The following WAPL variants were observed in gnomAD, a reference collection of about 807,000 sequenced individuals.
The protein encoded by WAPL is WAPL cohesin release factor.
Under a neutral mutation model 121.0 loss-of-function variants are expected in WAPL, and 5 were observed. The observed-to-expected ratio is 0.04, with a 90% CI of 0.02 to 0.09. WAPL has a LOEUF of 0.09. WAPL is among the 10% of genes least tolerant of loss of function. The probability of loss-of-function intolerance (pLI) is 1.00; values close to 1 mark genes in which losing one functional copy is unlikely to be tolerated. For missense variants in WAPL, 999 were observed against 1,410.8 expected, an observed-to-expected ratio of 0.71 and a Z score of 4.68; for synonymous variants, 480 against 481.5, an observed-to-expected ratio of 1.00 and a Z score of 0.04.
chr10:86,508,151 C>T (rs934706609), intron 2 of WAPL, among the ~76,000 whole-genome samples: 1 of 152,146 alleles, frequency 6.6e-6, no homozygotes, highest in African/African-American at 2.4e-5. Flanking sequence ...TCTACTTTGT[C>T]TCTAGACAGC....
At chr10:86,453,468 TC>T in intron 13 of WAPL, 133 bp from the exon 14 acceptor site, 1 of 1,200,518 alleles carries the variant, frequency 8.3e-7, no homozygotes, top group Non-Finnish European at 1.2e-6. Context: ...TATTGATACT[TC>T]TGGGTCAAGC....
At chr10:86,443,464 A>C in intron 16 of WAPL, 101 bp from the exon 17 acceptor site, 1 of 880,080 alleles carries the variant, frequency 1.1e-6, no homozygotes, top group African/African-American at 1.7e-5. Flanking sequence ...AACTGCTACA[A>C]ATCAACGAAT....
chr10:86,469,252 T>TAATAAAA lies in WAPL; in HGVS notation c.2142+1739_2142+1740insTTTTATT, dbSNP rs1564571366. On this transcript the variant is annotated intron_variant, in intron 8 of 18. Coordinates refer to ENST00000298767, the MANE Select transcript of WAPL (RefSeq NM_015045.5). ...CTGGTTGAACCAAATAATTTTTTTT[T>TAATAAAA]TTTTTTTTTTTTTTTTTTGAGACGG... Among the ~76,000 whole-genome samples, 10 of 3,780 alleles carry TAATAAAA rather than the reference T, an allele frequency of 2.6e-3. 1 individual carries two copies. In the Non-Finnish European group the frequency reaches 0.052, roughly 20 times the overall value. 2.5% of individuals were successfully genotyped at this position (3,780 alleles called of 152,430 possible).
intron 4 of WAPL, among the ~76,000 whole-genome samples, chr10:86,486,437 T>C (rs1048697720): frequency 2.6e-5 from 4 of 152,264 alleles, no homozygotes; most frequent in Non-Finnish European, 5.9e-5. Context: ...TATAAAGCTA[T>C]ATTCAACTTT....
At chr10:86,486,856 TGA>T (rs1334461019) in intron 4 of WAPL, among the ~76,000 whole-genome samples, 1 of 151,998 alleles carries the variant, frequency 6.6e-6, no homozygotes, top group African/African-American at 2.4e-5. Flanking sequence ...CCCTAGAGGC[TGA>T]AGCACAGGAA....
intron 16 of WAPL, among the ~76,000 whole-genome samples, chr10:86,445,147 G>C (rs1284454675): frequency 6.6e-6 from 1 of 152,112 alleles, no homozygotes; most frequent in Non-Finnish European, 1.5e-5. Flanking sequence ...ACTGGAGGAG[G>C]CTCAAATCTC....
chr10:86,463,452 C>G (rs1316613320), intron 9 of WAPL, among the ~76,000 whole-genome samples: 2 of 152,158 alleles, frequency 1.3e-5, no homozygotes, highest in Non-Finnish European at 2.9e-5. Context: ...TAATCTTGAC[C>G]CTGTGTGGAC....
chr10:86,461,426 T>A, intron 9 of WAPL, 139 bp from the exon 10 acceptor site: 1 of 641,390 alleles, frequency 1.6e-6, no homozygotes, highest in Non-Finnish European at 2.6e-6. Flanking sequence ...ATTTTCAATT[T>A]TATCAGAATA....
Position 86,500,633 on chromosome 10 carries a change from T to A in WAPL, c.610A>T (p.Ile204Phe). 6.2e-7 allele frequency: 1 copy of A among 1,614,164 alleles called. No homozygotes were observed. Among genetic ancestry groups the A allele is most frequent in the Non-Finnish European group, 8.5e-7 (1 of 1,180,022 alleles). Residue 204 changes from isoleucine (I) to phenylalanine (F), a missense_variant, in exon 3 of 19, where the codon ATC (isoleucine) becomes TTC (phenylalanine). By Grantham distance (21) the Ile-to-Phe change is conservative (BLOSUM62 0). Transcript: ENST00000298767. ...PNAETTVASE[I>F]KETNDTWNSQ... ...TTCCAAGTATCATTTGTTTCCTTGA[T>A]TTCAGAAGCCACTGTAGTTTCTGCA...
At chr10:86,444,196 A>C (rs1849544234) in intron 16 of WAPL, among the ~76,000 whole-genome samples, 1 of 152,178 alleles carries the variant, frequency 6.6e-6, no homozygotes, top group African/African-American at 2.4e-5. Flanking sequence ...GATGACTAAA[A>C]ATTTTCTTTT....
intron 8 of WAPL, among the ~76,000 whole-genome samples, chr10:86,468,309 C>G (rs931484457): frequency 2.6e-5 from 4 of 152,038 alleles, no homozygotes; most frequent in Admixed American, 2.6e-4. Flanking sequence ...CAATCCTCCC[C>G]ACCTCAGCCT....
At chr10:86,489,285 T>G (rs1031646621) in intron 4 of WAPL, among the ~76,000 whole-genome samples, 2 of 152,188 alleles carry the variant, frequency 1.3e-5, no homozygotes, top group African/African-American at 4.8e-5. Context: ...GGGGTGTAGT[T>G]TAGTTGTTTT....
rs544561815 is a variant in WAPL at position 86,437,742 on chromosome 10, G to T, written c.3508-134C>A. The T allele has an allele frequency of 4.5e-4, 475 of 1,052,398 alleles. 1 individual carries two copies. In the African/African-American group the frequency reaches 6.6e-3, roughly 15 times the overall value. 65.2% of individuals were successfully genotyped at this position (1,052,398 alleles called of 1,614,324 possible). On this transcript the variant is annotated intron_variant, in intron 18 of 18. Coordinates refer to ENST00000298767, the MANE Select transcript of WAPL (RefSeq NM_015045.5). ...AAAGTACACCGAGATTAAATTGTGG[G>T]TTTGATAAAGTTATTTGCCATAACA...
rs771384875 is a variant in WAPL, at chr10:86,473,869, T to C, written c.1740+9A>G. The C allele has an allele frequency of 8.8e-5, 141 of 1,598,226 alleles. 2 individuals are homozygous for C. The Middle Eastern group carries it at 1.2e-3, about 13-fold the overall frequency. Reference sequence around the variant, plus strand: ...AAAAACACAAAATAAATAAGTACAGTTCACTTACTGTGACACTCTGAGGTT... The same window carrying C: ...AAAAACACAAAATAAATAAGTACAGCTCACTTACTGTGACACTCTGAGGTT... On this transcript the variant is annotated intron_variant, in intron 5 of 18. Coordinates refer to ENST00000298767, the MANE Select transcript of WAPL (RefSeq NM_015045.5).
At chr10:86,517,149 A>T (rs1159896374) in intron 2 of WAPL, among the ~76,000 whole-genome samples, 1 of 152,194 alleles carries the variant, frequency 6.6e-6, no homozygotes, top group Non-Finnish European at 1.5e-5. Context: ...ATACCCCCTT[A>T]ATCTTTCTGA....
intron 17 of WAPL, 78 bp from the exon 18 acceptor site, chr10:86,438,093 G>T: frequency 9.2e-7 from 1 of 1,086,876 alleles, no homozygotes; most frequent in South Asian, 1.5e-5. Context: ...TGTTGGTTTT[G>T]ACACACATCT....
At chr10:86,507,719 G>GTT (rs112920287) in intron 2 of WAPL, among the ~76,000 whole-genome samples, 2 of 143,132 alleles carry the variant, frequency 1.4e-5, no homozygotes, top group African/African-American at 2.5e-5. Flanking sequence ...ATAGCCCACT[G>GTT]TTTTTTTTTT....
intron 11 of WAPL, 121 bp from the exon 12 acceptor site, chr10:86,459,186 A>G (rs1841215828): frequency 1.4e-6 from 1 of 709,894 alleles, no homozygotes; most frequent in Admixed American, 3.2e-5. Flanking sequence ...CCTTGTTACC[A>G]AAGGGAATAA....
chr10:86,474,204 GA>G (rs1841599883), intron 4 of WAPL, among the ~76,000 whole-genome samples: 1 of 152,090 alleles, frequency 6.6e-6, no homozygotes, highest in Non-Finnish European at 1.5e-5. Flanking sequence ...GACTAACCAA[GA>G]AAAGATGGCA....
Sources: gnomAD v4.1 joint callset for allele counts (sites outside exome capture counted in the v4.1 genomes callset) on GRCh38, gnomAD v4.1.1 for gene constraint, MANE v1.5 for transcripts, NCBI Gene and HGNC (gene_info 2026-07-23, HGNC 2026-07-21) for gene names.